The following DENND1A variants were observed in gnomAD, a reference collection of about 807,000 sequenced individuals.
DENND1A encodes the protein DENN domain-containing protein 1A.
A neutral mutation model predicts 113.7 loss-of-function variants in DENND1A; 51 were observed. The observed-to-expected ratio is 0.45, with a 90% CI of 0.36 to 0.57. The LOEUF is 0.57. Ranked by LOEUF, DENND1A falls within the 20% of genes least tolerant of loss-of-function variation. The pLI is 0.00. For missense variants in DENND1A, 1,258 were observed against 1,395.9 expected (o/e 0.90, Z 1.57); for synonymous variants, 565 against 570.8 (o/e 0.99, Z 0.14).
At chr9:123,435,445 T>C (rs2046447464) in intron 19 of DENND1A, among the ~76,000 whole-genome samples, 1 of 152,200 alleles carries the variant, frequency 6.6e-6, no homozygotes, top group African/African-American at 2.4e-5. Context: ...GAAGCCACGG[T>C]GGTGCTTGGT....
At chr9:123,634,334 A>T (rs534028454) in intron 9 of DENND1A, among the ~76,000 whole-genome samples, 32 of 152,348 alleles carry the variant, frequency 2.1e-4, no homozygotes, top group Non-Finnish European at 4.3e-4. Context: ...TTAAGAAAAC[A>T]AACAAACAAA....
chr9:123,683,869 T>C (rs1443685905), intron 5 of DENND1A, among the ~76,000 whole-genome samples: 1 of 152,176 alleles, frequency 6.6e-6, no homozygotes, highest in Non-Finnish European at 1.5e-5. Flanking sequence ...AGGCCATTAA[T>C]TACCACTAGA....
At chr9:123,428,799 C>T (rs1043570015) in intron 19 of DENND1A, among the ~76,000 whole-genome samples, 5 of 152,064 alleles carry the variant, frequency 3.3e-5, no homozygotes, top group Admixed American at 3.3e-4. Flanking sequence ...ACAATTGCTA[C>T]AAAAGAATAA....
chr9:123,465,699 T>C (rs1255387982), intron 13 of DENND1A, among the ~76,000 whole-genome samples: 1 of 152,238 alleles, frequency 6.6e-6, no homozygotes, highest in Non-Finnish European at 1.5e-5. Flanking sequence ...AAAGTGCTGT[T>C]AAAATATAGA....
At chr9:123,914,225 G>C (rs960501289) in intron 1 of DENND1A, among the ~76,000 whole-genome samples, 1 of 151,908 alleles carries the variant, frequency 6.6e-6, no homozygotes, top group Non-Finnish European at 1.5e-5. Flanking sequence ...TCCTGCCATT[G>C]CTATAAAGTA....
intron 20 of DENND1A, among the ~76,000 whole-genome samples, chr9:123,409,735 G>T (rs2044155229): frequency 6.6e-6 from 1 of 152,124 alleles, no homozygotes; most frequent in South Asian, 2.1e-4. Flanking sequence ...TCCTAGGCAA[G>T]TGATGGTTAT....
At chr9:123,553,224 C>G (rs766188732) in intron 13 of DENND1A, among the ~76,000 whole-genome samples, 1 of 152,058 alleles carries the variant, frequency 6.6e-6, no homozygotes, top group Non-Finnish European at 1.5e-5. Context: ...GCCACTCCAG[C>G]CTAGGCAATA....
chr9:123,440,607 C>T (rs2046859740), intron 18 of DENND1A, 116 bp from the exon 19 acceptor site: 2 of 1,329,128 alleles, frequency 1.5e-6, no homozygotes, highest in East Asian at 5.9e-5. Context: ...CTGAGCCTGA[C>T]CTCTTGATGA....
At chr9:123,755,763 T>G in intron 5 of DENND1A, among the ~76,000 whole-genome samples, 1 of 152,250 alleles carries the variant, frequency 6.6e-6, no homozygotes, top group East Asian at 1.9e-4. Flanking sequence ...ATGATTTTCT[T>G]AATAACTTTT....
At chr9:123,669,306 A>G (rs1306417628) in intron 7 of DENND1A, among the ~76,000 whole-genome samples, 1 of 152,230 alleles carries the variant, frequency 6.6e-6, no homozygotes, top group Non-Finnish European at 1.5e-5. Flanking sequence ...TTCCCAGTGA[A>G]AAGGAAAGAA....
At chr9:123,455,010 C>T (rs1230272278) in intron 15 of DENND1A, among the ~76,000 whole-genome samples, 4 of 152,062 alleles carry the variant, frequency 2.6e-5, no homozygotes, top group East Asian at 1.9e-4. Flanking sequence ...TTACTAGAGA[C>T]GGGGTTTCAC....
At chr9:123,792,690 A>G (rs1833170926) in intron 2 of DENND1A, 60 bp from the exon 3 acceptor site, 1 of 1,572,470 alleles carries the variant, frequency 6.4e-7, no homozygotes, top group Admixed American at 1.7e-5. Flanking sequence ...GCAGAGGATC[A>G]CACATTAATA....
At chr9:123,407,094 G>C (rs983980559) in intron 20 of DENND1A, among the ~76,000 whole-genome samples, 27 of 142,454 alleles carry the variant, frequency 1.9e-4, no homozygotes, top group Non-Finnish European at 3.8e-4. Context: ...GGAATGGGTT[G>C]GCAATCAGCG....
At chr9:123,897,321 C>T (rs1850912872) in intron 1 of DENND1A, among the ~76,000 whole-genome samples, 1 of 152,190 alleles carries the variant, frequency 6.6e-6, no homozygotes, top group African/African-American at 2.4e-5. Flanking sequence ...TGGACGTGGA[C>T]ATCAGCATGA....
intron 2 of DENND1A, among the ~76,000 whole-genome samples, chr9:123,856,959 A>G (rs1844309527): frequency 6.6e-6 from 1 of 152,130 alleles, no homozygotes; most frequent in Admixed American, 6.6e-5. Flanking sequence ...AATCGGTGGT[A>G]TTGGTTGAAA....
intron 1 of DENND1A, among the ~76,000 whole-genome samples, chr9:123,926,502 G>A (rs1325064316): frequency 6.6e-6 from 1 of 150,568 alleles, no homozygotes; most frequent in Admixed American, 6.6e-5. Flanking sequence ...GGGGGTTGGA[G>A]GTTGCCATGA....
At chr9:123,698,436 A>G (rs2065662103) in intron 5 of DENND1A, among the ~76,000 whole-genome samples, 1 of 152,200 alleles carries the variant, frequency 6.6e-6, no homozygotes, top group African/African-American at 2.4e-5. Flanking sequence ...TCATCAACAG[A>G]TATGATTTTG....
At chr9:123,846,323 C>G (rs977414366) in intron 2 of DENND1A, among the ~76,000 whole-genome samples, 6 of 152,144 alleles carry the variant, frequency 3.9e-5, no homozygotes, top group African/African-American at 1.4e-4. Context: ...ACCATATGAT[C>G]CAGCAATGCC....
At chr9:123,616,912 C>T (rs906012089) in intron 10 of DENND1A, among the ~76,000 whole-genome samples, 2 of 152,226 alleles carry the variant, frequency 1.3e-5, no homozygotes, top group South Asian at 2.1e-4. Flanking sequence ...ATCAAATAAG[C>T]GCATTATTGC....
Sources: gnomAD v4.1 joint callset for allele counts (sites outside exome capture counted in the v4.1 genomes callset) on GRCh38, gnomAD v4.1.1 for gene constraint, MANE v1.5 for transcripts, NCBI Gene and HGNC (gene_info 2026-07-23, HGNC 2026-07-21) for gene names.